The following DMD variants were observed in gnomAD, a reference collection of about 807,000 sequenced individuals.
DMD encodes the protein dystrophin, also known as mutant dystrophin.
DMD carries 63 observed loss-of-function variants against 330.1 expected under a neutral mutation model. The ratio of observed to expected loss-of-function variants is 0.19; its 90% CI spans 0.16 to 0.24. The LOEUF is 0.24. DMD is among the 10% of genes least tolerant of loss of function. The probability of loss-of-function intolerance (pLI) is 1.00; values close to 1 mark genes in which losing one functional copy is unlikely to be tolerated. For synonymous variants in DMD, 1,223 were observed against 959.8 expected (o/e 1.27, Z -5.07); for missense variants, 3,344 against 2,684.1 (o/e 1.25, Z -5.43).
At chrX:32,585,728 A>T (rs1338270108) in intron 13 of DMD, among the ~76,000 whole-genome samples, 2 of 93,962 alleles carry the variant, frequency 2.1e-5, no homozygotes, top group Admixed American at 1.2e-4. Flanking sequence ...AAAAAAAAAA[A>T]AAGAATATTA....
intron 47 of DMD, among the ~76,000 whole-genome samples, chrX:31,876,199 C>T (rs12012557): frequency 0.031 from 3,456 of 112,461 alleles, 132 homozygotes; most frequent in African/African-American, 0.11. Context: ...AATGCTACGA[C>T]ATAGATATTA....
intron 11 of DMD, among the ~76,000 whole-genome samples, chrX:32,628,524 C>T (rs1174015729): frequency 2.8e-5 from 3 of 108,263 alleles, no homozygotes. Flanking sequence ...TATTTCAGCT[C>T]TGTTCCTTAC....
chrX:32,996,967 T>C (rs1397998411), intron 2 of DMD, among the ~76,000 whole-genome samples: 2 of 112,198 alleles, frequency 1.8e-5, no homozygotes, highest in African/African-American at 3.2e-5. Flanking sequence ...AACAGATTAA[T>C]GAATCTATAA....
At chrX:31,429,638 T>G (rs1459827114) in intron 60 of DMD, among the ~76,000 whole-genome samples, 3 of 111,616 alleles carry the variant, frequency 2.7e-5, no homozygotes, top group Non-Finnish European at 5.6e-5. Flanking sequence ...TTATTTAGCT[T>G]TGAACTTCTT....
chrX:31,426,745 C>T (rs1477274260), intron 60 of DMD, among the ~76,000 whole-genome samples: 1 of 111,882 alleles, frequency 8.9e-6, no homozygotes. Flanking sequence ...AGGCTGCATT[C>T]TTAGGGGGCA....
chrX:31,382,568 T>C (rs1428443142), intron 60 of DMD, among the ~76,000 whole-genome samples: 3 of 111,902 alleles, frequency 2.7e-5, no homozygotes, highest in African/African-American at 9.8e-5. Context: ...AGGCACTCTC[T>C]AATTAGACGT....
Position 33,020,173 on chromosome X carries a change from G to T in DMD, c.59C>A (p.Thr20Lys). 8.4e-7 allele frequency: 1 copy of T among 1,189,176 alleles called. No homozygotes were observed. The highest frequency in any genetic ancestry group is 1.1e-6 in the Non-Finnish European group (1 of 878,749). ...CYEREDVQKK[T>K]FTKWVNAQFS... ...TTGTGCATTTACCCATTTTGTGAATGTTTTCTTTTGAACATCTTCTCTTTC... is the reference window on the plus strand; with the variant it reads ...TTGTGCATTTACCCATTTTGTGAATTTTTTCTTTTGAACATCTTCTCTTTC... The change falls in exon 2 of 79, where the codon ACA becomes AAA. Residue 20 changes from threonine (T) to lysine (K), a missense_variant. Physicochemically the swap from Thr to Lys is moderately conservative, Grantham distance 78. Coordinates refer to ENST00000357033, the MANE Select transcript of DMD (RefSeq NM_004006.3).
chrX:31,819,626 G>A (rs1266514243), intron 50 of DMD, among the ~76,000 whole-genome samples: 1 of 112,915 alleles, frequency 8.9e-6, no homozygotes, highest in African/African-American at 3.2e-5. Context: ...TGCAATTCAG[G>A]ACAGCTCTGC....
At chrX:31,812,042 A>ATT (rs200812146) in intron 50 of DMD, among the ~76,000 whole-genome samples, 2,960 of 103,060 alleles carry the variant, frequency 0.029, 43 homozygotes, top group Non-Finnish European at 0.044. Flanking sequence ...TAAATTAACC[A>ATT]TTTTTTTTTT....
intron 17 of DMD, among the ~76,000 whole-genome samples, chrX:32,524,770 A>G (rs1314799154): frequency 2.7e-5 from 3 of 112,179 alleles, no homozygotes; most frequent in Non-Finnish European, 5.6e-5. Flanking sequence ...TCCTCATTCA[A>G]TTTTTTGTCT....
At chrX:32,420,078 G>T (rs774852493) in intron 29 of DMD, among the ~76,000 whole-genome samples, 1 of 111,594 alleles carries the variant, frequency 9.0e-6, no homozygotes, top group African/African-American at 3.3e-5. Context: ...AAGTCTACAG[G>T]ATTCATCATA....
intron 11 of DMD, among the ~76,000 whole-genome samples, chrX:32,625,833 G>A (rs1039666332): frequency 1.8e-4 from 20 of 111,654 alleles, no homozygotes; most frequent in African/African-American, 6.5e-4. Context: ...AGCTCTTTAG[G>A]AAGACAGGCT....
At chrX:32,731,043 A>G (rs1329008984) in intron 7 of DMD, among the ~76,000 whole-genome samples, 2 of 111,528 alleles carry the variant, frequency 1.8e-5, no homozygotes, top group Admixed American at 9.4e-5. Flanking sequence ...GGCGCAGCTC[A>G]GTGGGTGCGT....
At chrX:32,828,596 C>G (rs1569530086) in intron 4 of DMD, among the ~76,000 whole-genome samples, 1 of 109,399 alleles carries the variant, frequency 9.1e-6, no homozygotes, top group African/African-American at 3.3e-5. Flanking sequence ...CATCTATACA[C>G]ATATATACAT....
chrX:33,243,112 C>T (rs189815598), intron 1 of DMD, among the ~76,000 whole-genome samples: 1 of 111,474 alleles, frequency 9.0e-6, no homozygotes, highest in Admixed American at 9.5e-5. Context: ...TTCATTAGGC[C>T]CCAGCTATTT....
At chrX:32,901,430 G>A (rs186553276) in intron 2 of DMD, among the ~76,000 whole-genome samples, 2,265 of 111,364 alleles carry the variant, frequency 0.02, 27 homozygotes, top group Non-Finnish European at 0.032. Context: ...AGTCAGCCAA[G>A]CAATTTGCTA....
chrX:32,716,823 C>A (rs1458757732), intron 7 of DMD, among the ~76,000 whole-genome samples: 1 of 111,504 alleles, frequency 9.0e-6, no homozygotes, highest in Non-Finnish European at 1.9e-5. Context: ...TCTCGCAATG[C>A]TTTAACAAAA....
At chrX:32,137,774 T>G (rs1174689950) in intron 44 of DMD, among the ~76,000 whole-genome samples, 1 of 110,829 alleles carries the variant, frequency 9.0e-6, no homozygotes, top group Non-Finnish European at 1.9e-5. Flanking sequence ...CAGGCCTTCA[T>G]TCTGCAGAAT....
intron 42 of DMD, among the ~76,000 whole-genome samples, chrX:32,296,903 C>T (rs2097499008): frequency 9.0e-6 from 1 of 111,696 alleles, no homozygotes; most frequent in Non-Finnish European, 1.9e-5. Flanking sequence ...GATAAAATTG[C>T]TTTCTAATGG....
Sources: gnomAD v4.1 joint callset for allele counts (sites outside exome capture counted in the v4.1 genomes callset) on GRCh38, gnomAD v4.1.1 for gene constraint, MANE v1.5 for transcripts, NCBI Gene and HGNC (gene_info 2026-07-23, HGNC 2026-07-21) for gene names.